Variants in EPHA5 observed in about 807,000 individuals in gnomAD.
The protein encoded by EPHA5 is EPH receptor A5, also known as ephrin type-A receptor 5.
A neutral mutation model predicts 105.0 loss-of-function variants in EPHA5; 60 were observed. That is an observed-to-expected ratio of 0.57 (90% CI 0.46 to 0.71). The LOEUF is 0.71. EPHA5 is among the 30% of genes least tolerant of loss of function. The probability of loss-of-function intolerance (pLI) is 0.00; values close to 1 mark genes in which losing one functional copy is unlikely to be tolerated. For synonymous variants in EPHA5, 513 were observed against 449.1 expected (o/e 1.14, Z -1.80); for missense variants, 1,218 against 1,274.7 (o/e 0.96, Z 0.68).
chr4:65,551,366 A>G (rs563509716), intron 3 of EPHA5, among the ~76,000 whole-genome samples: 1 of 151,968 alleles, frequency 6.6e-6, no homozygotes, highest in Admixed American at 6.6e-5. Context: ...ATCAGTTTTC[A>G]TAATTACCCT....
rs1183965947 is a variant in EPHA5 at position 65,670,092 on chromosome 4, G to GA, written c.-351dup. 2 of 299,006 alleles carry GA rather than the reference G, an allele frequency of 6.7e-6. No homozygotes were observed. The highest frequency in any genetic ancestry group is 1.0e-4 in the Admixed American group (2 of 19,638). 18.5% of individuals were successfully genotyped at this position (299,006 alleles called of 1,614,324 possible). On this transcript the variant is annotated 5_prime_UTR_variant, in exon 1 of 17. Coordinates refer to ENST00000613740, the MANE Select transcript of EPHA5 (RefSeq NM_001281766.3). ...TGAGAATTTTTAAATACCACTAGGG[G>GA]AAAGGTGAAGGTTCTTTGCAGCCTT... is the stretch of plus-strand genomic sequence containing the variant.
intron 3 of EPHA5, among the ~76,000 whole-genome samples, chr4:65,528,071 G>A (rs576321604): frequency 1.2e-4 from 18 of 152,246 alleles, no homozygotes; most frequent in African/African-American, 3.6e-4. Flanking sequence ...AGTATGGTCA[G>A]CTTGAAATAA....
At chr4:65,609,084 T>C (rs1744512035) in intron 2 of EPHA5, among the ~76,000 whole-genome samples, 1 of 152,144 alleles carries the variant, frequency 6.6e-6, no homozygotes, top group Non-Finnish European at 1.5e-5. Context: ...GGGCAATCCA[T>C]TGGGCAACAG....
At position 65,490,481 on chromosome 4, in the gene EPHA5, G is replaced by A. The variant is rs2149212789; in HGVS notation, c.1298C>T (p.Ala433Val). The A allele has an allele frequency of 6.2e-7, 1 of 1,614,160 alleles. No homozygotes were observed. ...AATCTCAAAGGTATAGTTTGTGTGAGCGAGTAGATCCACCATCATGACAGA... is the reference window on the plus strand; with the variant it reads ...AATCTCAAAGGTATAGTTTGTGTGAACGAGTAGATCCACCATCATGACAGA... ...NTSVMMVDLL[A>V]HTNYTFEIEA... The change falls in exon 5 of 17, where the codon GCT becomes GTT. Residue 433 changes from alanine (A) to valine (V), a missense_variant. Transcript: ENST00000613740.
chr4:65,664,785 C>G (rs2149557650), intron 1 of EPHA5, among the ~76,000 whole-genome samples: 1 of 151,934 alleles, frequency 6.6e-6, no homozygotes. Context: ...ATTTTTAGCT[C>G]TAATGTTGCT....
At chr4:65,483,832 AG>A (rs1169140042) in intron 5 of EPHA5, among the ~76,000 whole-genome samples, 1 of 152,140 alleles carries the variant, frequency 6.6e-6, no homozygotes, top group Non-Finnish European at 1.5e-5. Context: ...GTGAAACTCT[AG>A]TAATGGCCAA....
chr4:65,386,950 A>G (rs1461603497), intron 8 of EPHA5, among the ~76,000 whole-genome samples: 1 of 151,902 alleles, frequency 6.6e-6, no homozygotes, highest in Admixed American at 6.6e-5. Context: ...GTAACCTGCA[A>G]TATAAAAAAA....
At chr4:65,424,289 A>T (rs1466843268) in intron 5 of EPHA5, among the ~76,000 whole-genome samples, 1 of 152,056 alleles carries the variant, frequency 6.6e-6, no homozygotes, top group African/African-American at 2.4e-5. Context: ...TACTTTTCAG[A>T]TATAGAAACC....
At chr4:65,485,220 G>A (rs1288003407) in intron 5 of EPHA5, among the ~76,000 whole-genome samples, 2 of 151,034 alleles carry the variant, frequency 1.3e-5, no homozygotes, top group African/African-American at 4.9e-5. Flanking sequence ...TTTGTAATTG[G>A]CCAAAGAATT....
Position 65,669,944 on chromosome 4 carries a change from C to T in EPHA5, c.-202G>A. On this transcript the variant is annotated 5_prime_UTR_variant, in exon 1 of 17. Transcript: ENST00000613740. Reference sequence around the variant, plus strand: ...TTTGCTTCTGGCTCCTCTCGCCTCCCCCTTTGGTGGGGTTAAATGAAATAT... The same window carrying T: ...TTTGCTTCTGGCTCCTCTCGCCTCCTCCTTTGGTGGGGTTAAATGAAATAT... 2 of 737,874 alleles carry T rather than the reference C, an allele frequency of 2.7e-6. No individual in the cohort carries two copies. Among genetic ancestry groups the T allele is most frequent in the South Asian group, 7.2e-5 (1 of 13,828 alleles). 45.7% of individuals were successfully genotyped at this position (737,874 alleles called of 1,614,324 possible). A position where few individuals can be genotyped will look rare whatever the true frequency, so the allele number is the denominator to read the frequency against.
At chr4:65,436,034 G>A (rs757174782) in intron 5 of EPHA5, among the ~76,000 whole-genome samples, 1 of 151,778 alleles carries the variant, frequency 6.6e-6, no homozygotes, top group Non-Finnish European at 1.5e-5. Flanking sequence ...TGTTCTCAAT[G>A]GATAATGATA....
intron 5 of EPHA5, among the ~76,000 whole-genome samples, chr4:65,480,921 A>G (rs1190506574): frequency 6.6e-6 from 1 of 152,080 alleles, no homozygotes; most frequent in African/African-American, 2.4e-5. Flanking sequence ...AGGCAAGTCT[A>G]TTAAGGAAAT....
intron 3 of EPHA5, among the ~76,000 whole-genome samples, chr4:65,514,039 T>C (rs1217954924): frequency 2.0e-5 from 3 of 152,168 alleles, no homozygotes; most frequent in Non-Finnish European, 4.4e-5. Flanking sequence ...ATATTCTCTT[T>C]ACCTTTTTGC....
intron 2 of EPHA5, among the ~76,000 whole-genome samples, chr4:65,628,067 G>GT (rs1746309401): frequency 1.3e-5 from 2 of 151,834 alleles, no homozygotes; most frequent in African/African-American, 4.8e-5. Context: ...TTATGATGTG[G>GT]TTTTCATAAT....
chr4:65,427,982 G>T (rs1401171659), intron 5 of EPHA5, among the ~76,000 whole-genome samples: 1 of 152,006 alleles, frequency 6.6e-6, no homozygotes, highest in Non-Finnish European at 1.5e-5. Context: ...TGCAGATATA[G>T]ATAAATCCAT....
intron 3 of EPHA5, among the ~76,000 whole-genome samples, chr4:65,583,719 T>C (rs1382094798): frequency 6.6e-6 from 1 of 151,736 alleles, no homozygotes; most frequent in Non-Finnish European, 1.5e-5. Context: ...GTTATCACCC[T>C]TCAGAATACG....
intron 5 of EPHA5, among the ~76,000 whole-genome samples, chr4:65,465,466 AAAAAGAAAGAAAG>A (rs1728540318): frequency 1.2e-4 from 2 of 16,202 alleles, no homozygotes; most frequent in African/African-American, 2.9e-4. Context: ...GAAAAGAAAG[AAAAAGAAAGAAAG>A]AAAGAAAGAA....
intron 5 of EPHA5, among the ~76,000 whole-genome samples, chr4:65,465,511 GAAAGAAAGAAAGAA>G (rs1298066857): frequency 1.0e-5 from 1 of 99,992 alleles, no homozygotes; most frequent in African/African-American, 3.7e-5. Context: ...AAGAAAGAAA[GAAAGAAAGAAAGAA>G]AGAAAAGAAA....
chr4:65,329,461 CT>C (rs1387247053), intron 16 of EPHA5, among the ~76,000 whole-genome samples: 1 of 151,368 alleles, frequency 6.6e-6, no homozygotes, highest in South Asian at 2.1e-4. Flanking sequence ...TATATTTATT[CT>C]TTTTTTCTAA....
Sources: gnomAD v4.1 joint callset for allele counts (sites outside exome capture counted in the v4.1 genomes callset) on GRCh38, gnomAD v4.1.1 for gene constraint, MANE v1.5 for transcripts, NCBI Gene and HGNC (gene_info 2026-07-23, HGNC 2026-07-21) for gene names.